Variants in HSPB7 observed in about 807,000 individuals in gnomAD.
HSPB7 encodes the protein heat shock protein family B (small) member 7.
A neutral mutation model predicts 11.0 loss-of-function variants in HSPB7; 9 were observed. The ratio of observed to expected loss-of-function variants is 0.82; its 90% CI spans 0.49 to 1.43. The LOEUF is 1.43. Among genes scored for constraint, HSPB7 ranks in the 40% most tolerant of loss-of-function variants. The pLI, the probability that HSPB7 is intolerant of heterozygous loss-of-function variation, is 0.00. For missense variants in HSPB7, 246 were observed against 243.9 expected (o/e 1.01, Z -0.06); for synonymous variants, 102 against 101.6 (o/e 1.00, Z -0.02).
At chr1:16,017,714 G>C in intron 1 of HSPB7, 51 bp downstream of exon 1, 1 of 1,468,034 alleles carries the variant, frequency 6.8e-7, no homozygotes, top group Non-Finnish European at 9.2e-7. Context: ...CCCTGGAGCA[G>C]ACGTCCCCTC....
chr1:16,017,029 A>G (rs1304014735), intron 2 of HSPB7, 45 bp downstream of exon 2: 2 of 1,581,706 alleles, frequency 1.3e-6, no homozygotes, highest in Admixed American at 3.4e-5. Flanking sequence ...CATTGGAGGC[A>G]GGAGCAGAAT....
Position 16,015,804 on chromosome 1 carries a change from C to T in HSPB7, c.334-45G>A. 1.3e-6 allele frequency: 2 copies of T among 1,518,708 alleles called. No homozygotes were observed. The highest frequency in any genetic ancestry group is 1.8e-6 in the Non-Finnish European group (2 of 1,127,070). 94.1% of individuals were successfully genotyped at this position (1,518,708 alleles called of 1,614,324 possible). On this transcript the variant is annotated intron_variant, in intron 2 of 2. Transcript: ENST00000311890. The surrounding 1 kb of genome is among the most constrained non-coding windows in gnomAD (Gnocchi z 4.9). ...TCAGGCAGGCTGCCCCGACCCCTGT[C>T]CTGCTTGTGACAAGCCAGAGCCCTC...
At chr1:16,018,288 C>G, upstream of HSPB7, 1 of 1,331,254 alleles carries the variant, frequency 7.5e-7, no homozygotes, top group Non-Finnish European at 9.8e-7. Flanking sequence ...TGGATCCTGT[C>G]TCCTTGCCAC....
upstream of HSPB7, chr1:16,019,031 G>A (rs2021961033): frequency 1.8e-6 from 2 of 1,138,768 alleles, no homozygotes; most frequent in African/African-American, 3.1e-5. Context: ...GCCCTTCAGA[G>A]GCCGAGGTGG....
In HSPB7 at chr1:16,015,850, G is replaced by C. The variant is rs1557438428; in HGVS notation, c.334-91C>G. The C allele has an allele frequency of 7.8e-7, 1 of 1,275,266 alleles. No homozygotes were observed. The highest frequency in any genetic ancestry group is 1.1e-6 in the Non-Finnish European group (1 of 932,550). 79.0% of individuals were successfully genotyped at this position (1,275,266 alleles called of 1,614,324 possible). A position where few individuals can be genotyped will look rare whatever the true frequency, so the allele number is the denominator to read the frequency against. ...CCCTCTTCTCCCCATTCTAACCCCAGCCAGACCCCACATGCCGAGGGGCTC... is the reference window on the plus strand; with the variant it reads ...CCCTCTTCTCCCCATTCTAACCCCACCCAGACCCCACATGCCGAGGGGCTC... On this transcript the variant is annotated intron_variant, in intron 2 of 2. Transcript: ENST00000311890. This position sits in a 1 kb window ranked among gnomAD's most constrained non-coding sequence, Gnocchi z 4.9.
Position 16,015,427 on chromosome 1 carries a change from G to A in HSPB7, c.*153C>T. On this transcript the variant is annotated 3_prime_UTR_variant, in exon 3 of 3. Transcript: ENST00000311890. The surrounding 1 kb of genome is among the most constrained non-coding windows in gnomAD (Gnocchi z 4.9). The stretch of plus-strand genomic sequence containing the variant: ...CCTGGCCTGCCCTGGATAGAGTGGA[G>A]GGCCCTAGTTTGGGAGGATGGTCCA... 1 of 665,558 alleles carries A rather than the reference G, an allele frequency of 1.5e-6. No homozygotes were observed. The highest frequency in any genetic ancestry group is 2.6e-6 in the Non-Finnish European group (1 of 384,524). The allele number at this position is 665,558 out of a possible 1,614,324, so 41.2% of individuals were successfully genotyped here.
rs2148840729 is a variant in HSPB7, at chr1:16,015,555, A to G, written c.*25T>C. The G allele has an allele frequency of 6.2e-7, 1 of 1,609,212 alleles. No individual in the cohort carries two copies. ...TTGCTGGCAGGCGTGGGGCGGGGGG[A>G]CAGGGAAAGGGAAGGGAGAGGCACT... On this transcript the variant is annotated 3_prime_UTR_variant, in exon 3 of 3. Transcript: ENST00000311890. This position sits in a 1 kb window ranked among gnomAD's most constrained non-coding sequence, Gnocchi z 4.9.
upstream of HSPB7, chr1:16,018,817 C>T: frequency 8.2e-7 from 1 of 1,214,590 alleles, no homozygotes; most frequent in Non-Finnish European, 1.0e-6. Context: ...ATTATTCTAG[C>T]CCTGAGTTCT....
chr1:16,019,051 G>C, upstream of HSPB7: 1 of 1,255,130 alleles, frequency 8.0e-7, no homozygotes, highest in East Asian at 2.6e-5. Flanking sequence ...GTTTGAACAT[G>C]TGCCTATGGA....
At position 16,015,838 on chromosome 1, in the gene HSPB7, A is replaced by G. The variant is rs756400552; in HGVS notation, c.334-79T>C. 208 of 1,353,532 alleles carry G rather than the reference A, an allele frequency of 1.5e-4. No homozygotes were observed. The highest frequency in any genetic ancestry group is 2.6e-4 in the Admixed American group (12 of 46,046). The allele number at this position is 1,353,532 out of a possible 1,614,324, so 83.8% of individuals were successfully genotyped here. Reference sequence around the variant, plus strand: ...GACAAGCCAGAGCCCTCTTCTCCCCATTCTAACCCCAGCCAGACCCCACAT... The same window carrying G: ...GACAAGCCAGAGCCCTCTTCTCCCCGTTCTAACCCCAGCCAGACCCCACAT... On this transcript the variant is annotated intron_variant, in intron 2 of 2. Transcript: ENST00000311890. The surrounding 1 kb of genome is among the most constrained non-coding windows in gnomAD (Gnocchi z 4.9).
chr1:16,015,450 C>G lies in HSPB7; in HGVS notation c.*130G>C. ...GAGGGCCCTAGTTTGGGAGGATGGTCCACCTGGGGTCTGGGGTGCGTGGGG... is the reference window on the plus strand; with the variant it reads ...GAGGGCCCTAGTTTGGGAGGATGGTGCACCTGGGGTCTGGGGTGCGTGGGG... On this transcript the variant is annotated 3_prime_UTR_variant, in exon 3 of 3. Coordinates refer to ENST00000311890, the MANE Select transcript of HSPB7 (RefSeq NM_014424.5). This position sits in a 1 kb window ranked among gnomAD's most constrained non-coding sequence, Gnocchi z 4.9. The G allele has an allele frequency of 1.2e-6, 1 of 825,120 alleles. No homozygotes were observed. The highest frequency in any genetic ancestry group is 1.7e-5 in the South Asian group (1 of 59,400). 51.1% of individuals were successfully genotyped at this position (825,120 alleles called of 1,614,324 possible). A position where few individuals can be genotyped will look rare whatever the true frequency, so the allele number is the denominator to read the frequency against.
upstream of HSPB7, chr1:16,018,241 C>T (rs2021919026): frequency 1.4e-6 from 2 of 1,440,344 alleles, no homozygotes; most frequent in Non-Finnish European, 1.9e-6. Flanking sequence ...AGGCTGATCA[C>T]AGCAGCCCCA....
upstream of HSPB7, chr1:16,019,281 T>G: frequency 6.7e-6 from 10 of 1,503,564 alleles, no homozygotes; most frequent in South Asian, 1.2e-4. Context: ...CAGGGAGGCC[T>G]CTCTGACTGC....
upstream of HSPB7, chr1:16,018,110 T>C (rs2021906965): frequency 6.4e-7 from 1 of 1,553,842 alleles, no homozygotes; most frequent in East Asian, 2.4e-5. Flanking sequence ...GCCCCTTGTC[T>C]ACTAGCTAAA....
chr1:16,016,563 A>G (rs1015113235), intron 2 of HSPB7, among the ~76,000 whole-genome samples: 47 of 152,294 alleles, frequency 3.1e-4, no homozygotes, highest in African/African-American at 1.1e-3. Flanking sequence ...GCCCCTGCCC[A>G]GCCTCGGGCC....
chr1:16,017,634 G>A (rs2021845020), intron 1 of HSPB7, 131 bp downstream of exon 1: 1 of 731,408 alleles, frequency 1.4e-6, no homozygotes, highest in Non-Finnish European at 2.3e-6. Flanking sequence ...TGTCTTGGTG[G>A]CCACACATGG....
At chr1:16,019,259 T>C (rs1316774649), upstream of HSPB7, 1 of 1,537,982 alleles carries the variant, frequency 6.5e-7, no homozygotes, top group Admixed American at 2.0e-5. Context: ...TCAGCTCCAA[T>C]GCCTCCTCCC....
In HSPB7 at chr1:16,015,408, C is replaced by A. The variant is rs1288221990; in HGVS notation, c.*172G>T. The A allele has an allele frequency of 1.0e-5, 6 of 601,826 alleles. No homozygotes were observed. The highest frequency in any genetic ancestry group is 1.7e-5 in the Non-Finnish European group (6 of 344,620). 37.3% of individuals were successfully genotyped at this position (601,826 alleles called of 1,614,324 possible). A position where few individuals can be genotyped will look rare whatever the true frequency, so the allele number is the denominator to read the frequency against. On this transcript the variant is annotated 3_prime_UTR_variant, in exon 3 of 3. Transcript: ENST00000311890. This position sits in a 1 kb window ranked among gnomAD's most constrained non-coding sequence, Gnocchi z 4.9. Reference sequence around the variant, plus strand: ...TGTGTCAGGCCAGGGAGTCCCTGGCCTGCCCTGGATAGAGTGGAGGGCCCT... The same window carrying A: ...TGTGTCAGGCCAGGGAGTCCCTGGCATGCCCTGGATAGAGTGGAGGGCCCT...
At chr1:16,018,044 G>T (rs536932137), upstream of HSPB7, 1,254 of 1,607,370 alleles carry the variant, frequency 7.8e-4, 1 homozygote, top group Non-Finnish European at 9.8e-4. Context: ...GGGCGAGCGT[G>T]CCAGGCTCCG....
Sources: gnomAD v4.1 joint callset for allele counts (sites outside exome capture counted in the v4.1 genomes callset) on GRCh38, gnomAD v4.1.1 for gene constraint, Gnocchi (gnomAD v3.1) non-coding constraint, MANE v1.5 for transcripts, NCBI Gene and HGNC (gene_info 2026-07-23, HGNC 2026-07-21) for gene names.